IDS: variants seen among roughly 807,000 people sequenced by gnomAD.
IDS encodes the protein iduronate 2-sulfatase.
In IDS, 1 loss-of-function variant was observed where a neutral mutation model predicts 33.5. The observed-to-expected ratio is 0.03, with a 90% CI of 0.01 to 0.14. The LOEUF is 0.14. Among genes scored for constraint, IDS ranks in the 10% least tolerant of loss-of-function variants. The probability of loss-of-function intolerance (pLI) is 1.00; values close to 1 mark genes in which losing one functional copy is unlikely to be tolerated. For missense variants in IDS, 328 were observed against 448.0 expected, an observed-to-expected ratio of 0.73 and a Z score of 2.42; for synonymous variants, 191 against 184.4, an observed-to-expected ratio of 1.04 and a Z score of -0.29.
In IDS at chrX:149,496,473, G is replaced by A. The variant is rs782327392; in HGVS notation, c.752C>T (p.Pro251Leu). The change falls in exon 6 of 9, where the codon CCC (proline) becomes CTC (leucine). Residue 251 changes from proline to leucine, a missense_variant. Physicochemically the swap from Pro to Leu is moderately conservative, Grantham distance 98. This residue lies in a region of IDS where 265 missense variants were observed against 339.2 expected (regional missense o/e 0.78). Transcript: ENST00000340855. ...TAGGCCATCAGGGACCTCGGGATCG[G>A]GGGCCAGGGTGATGTTCTCCAAGGG... ...LYPLENITLA[P>L]DPEVPDGLPP... 7 of 1,211,360 alleles carry A rather than the reference G, an allele frequency of 5.8e-6. No homozygotes were observed. Among genetic ancestry groups the A allele is most frequent in the Non-Finnish European group, 7.8e-6 (7 of 895,257 alleles).
At chrX:149,486,336 G>T (rs1009700385) in intron 8 of IDS, among the ~76,000 whole-genome samples, 1 of 111,906 alleles carries the variant, frequency 8.9e-6, no homozygotes, top group Non-Finnish European at 1.9e-5. Flanking sequence ...GATATTGGTG[G>T]ATGGACAGGG....
intron 7 of IDS, among the ~76,000 whole-genome samples, chrX:149,489,884 G>A (rs1286957551): frequency 4.5e-5 from 5 of 110,759 alleles, no homozygotes; most frequent in African/African-American, 6.6e-5. Context: ...CCAGGCTCTC[G>A]GCAGAGAAGA....
In IDS at chrX:149,505,072, G is replaced by A. The variant is rs1469964896; in HGVS notation, c.66C>T (p.Val22=). The A allele has an allele frequency of 2.5e-6, 3 of 1,209,038 alleles. No individual in the cohort carries two copies. Among genetic ancestry groups the A allele is most frequent in the Admixed American group, 2.2e-5 (1 of 46,035 alleles). The stretch of plus-strand genomic sequence containing the variant: ...TGGCCTGCGTTTCGGATCCGAGGGC[G>A]ACGCAGACGGAGCTCAGAACCAGAC... ...WLGLVLSSVC[V]ALGSETQANS... The change falls in exon 1 of 9, where the codon GTC becomes GTT. Residue 22 remains valine, a synonymous_variant. Coordinates refer to ENST00000340855, the MANE Select transcript of IDS (RefSeq NM_000202.8).
chrX:149,492,441 G>T (rs1256788117), intron 6 of IDS, among the ~76,000 whole-genome samples: 4 of 111,612 alleles, frequency 3.6e-5, no homozygotes, highest in Non-Finnish European at 7.5e-5. Flanking sequence ...ACGGAACAGT[G>T]TGGAGTTGTG....
intron 7 of IDS, 169 bp from the exon 8 acceptor site, chrX:149,487,267 T>C (rs2089345443): frequency 1.7e-6 from 2 of 1,208,175 alleles, no homozygotes. Flanking sequence ...TTATTTCAAC[T>C]GAATGCTGCT....
intron 5 of IDS, among the ~76,000 whole-genome samples, chrX:149,497,446 C>T (rs1314277116): frequency 1.2e-4 from 14 of 112,016 alleles, no homozygotes; most frequent in Non-Finnish European, 2.6e-4. Context: ...AAAGCAAGAT[C>T]CCCTGGGCCA....
rs1185010618 is a variant in IDS, at chrX:149,490,503, G to A, written c.880-63C>T. 7 of 1,109,724 alleles carry A rather than the reference G, an allele frequency of 6.3e-6. No individual in the cohort carries two copies. The African/African-American group carries it at 9.1e-5, about 14-fold the overall frequency. 91.5% of individuals were successfully genotyped at this position (1,109,724 alleles called of 1,213,427 possible). ...AATTTAAATTGCCAAGGCATACAGA[G>A]ATAATGCTTGCCTGTGCATCTCTCC... On this transcript the variant is annotated intron_variant, in intron 6 of 8. Coordinates refer to ENST00000340855, the MANE Select transcript of IDS (RefSeq NM_000202.8).
Position 149,482,713 on chromosome X carries a change from C to T in IDS, c.*33G>A. 2.5e-6 allele frequency: 3 copies of T among 1,210,823 alleles called. No individual in the cohort carries two copies. Among genetic ancestry groups the T allele is most frequent in the South Asian group, 1.8e-5 (1 of 56,925 alleles). ...CCTCCTCTCACCAGCTGGAAGGGAG[C>T]ACATCACATTTGCCATCCATGGTTG... is the stretch of plus-strand genomic sequence containing the variant. On this transcript the variant is annotated 3_prime_UTR_variant, in exon 9 of 9. Coordinates refer to ENST00000340855, the MANE Select transcript of IDS (RefSeq NM_000202.8).
intron 8 of IDS, among the ~76,000 whole-genome samples, chrX:149,484,168 G>C (rs2089315290): frequency 8.9e-6 from 1 of 112,173 alleles, no homozygotes; most frequent in African/African-American, 3.2e-5. Flanking sequence ...ATATACCTAG[G>C]AGTGGAACTT....
Position 149,482,807 on chromosome X carries a change from T to G in IDS, c.1592A>C (p.Gln531Pro). ...GGAATCATTATACATATTGTGATCC[T>G]GCAATGGGTCAGAATCCACAAAATA... Reference protein sequence around the residue: ...ELYFVDSDPLQDHNMYNDSQG... With the variant: ...ELYFVDSDPLPDHNMYNDSQG... The change falls in exon 9 of 9, where the codon CAG becomes CCG. Residue 531 changes from glutamine (Q) to proline (P), a missense_variant. By Grantham distance (76) the Gln-to-Pro change is moderately conservative (BLOSUM62 -1). Around this residue, in one of 4 missense-constraint regions of IDS, gnomAD observed 265 missense variants for 339.2 expected, o/e 0.78. Coordinates refer to ENST00000340855, the MANE Select transcript of IDS (RefSeq NM_000202.8). The G allele has an allele frequency of 8.3e-7, 1 of 1,212,118 alleles. No homozygotes were observed. Among genetic ancestry groups the G allele is most frequent in the Non-Finnish European group, 1.1e-6 (1 of 895,604 alleles).
Position 149,505,253 on chromosome X carries a change from G to A in IDS, c.-116C>T, listed in dbSNP as rs1314502980. 4.8e-6 allele frequency: 2 copies of A among 415,446 alleles called. No individual in the cohort carries two copies. The highest frequency in any genetic ancestry group is 7.6e-6 in the Non-Finnish European group (2 of 262,401). The allele number at this position is 415,446 out of a possible 1,213,427, so 34.2% of individuals were successfully genotyped here. Reference sequence around the variant, plus strand: ...CTCGTCGGGAACCCATGAAGACTGCGCAACACAGCCGCCGCCCGGGCCCGC... The same window carrying A: ...CTCGTCGGGAACCCATGAAGACTGCACAACACAGCCGCCGCCCGGGCCCGC... On this transcript the variant is annotated 5_prime_UTR_variant, in exon 1 of 9. Transcript: ENST00000340855.
rs782438579 is a variant in IDS at position 149,484,496 on chromosome X, A to G, written c.1181-1278T>C. On this transcript the variant is annotated intron_variant, in intron 8 of 8. Coordinates refer to ENST00000340855, the MANE Select transcript of IDS (RefSeq NM_000202.8). The stretch of plus-strand genomic sequence containing the variant: ...ACCGCCACACCCAGCTAATTTTTGT[A>G]TTTTTAGTAGAGATGGGGTTTCTCC... Among the ~76,000 whole-genome samples, 15 of 111,754 alleles carry G rather than the reference A, an allele frequency of 1.3e-4. No homozygotes were observed. The South Asian group carries it at 4.1e-3, about 31-fold the overall frequency.
intron 6 of IDS, among the ~76,000 whole-genome samples, chrX:149,493,231 C>T (rs1215823548): frequency 8.9e-6 from 1 of 112,072 alleles, no homozygotes; most frequent in Non-Finnish European, 1.9e-5. Flanking sequence ...GGAAGTGGCA[C>T]CTAAGTGGCA....
chrX:149,499,332 G>C (rs1238094607), intron 4 of IDS: 1 of 106,138 alleles, frequency 9.4e-6, no homozygotes, highest in Non-Finnish European at 1.9e-5. Flanking sequence ...ACTCCAGCCT[G>C]GGTGACAAGA....
At chrX:149,488,855 G>A (rs2089364340) in intron 7 of IDS, among the ~76,000 whole-genome samples, 1 of 111,408 alleles carries the variant, frequency 9.0e-6, no homozygotes, top group Non-Finnish European at 1.9e-5. Context: ...GGAGGTTTCT[G>A]GCTCCTGCCC....
Position 149,505,235 on chromosome X carries a change from G to A in IDS, c.-98C>T. ...CGCAGCCACAGAGACCTCCTCGTCG[G>A]GAACCCATGAAGACTGCGCAACACA... On this transcript the variant is annotated 5_prime_UTR_variant, in exon 1 of 9. Coordinates refer to ENST00000340855, the MANE Select transcript of IDS (RefSeq NM_000202.8). 5.0e-6 allele frequency: 3 copies of A among 597,530 alleles called. No individual in the cohort carries two copies. Among genetic ancestry groups the A allele is most frequent in the Non-Finnish European group, 7.7e-6 (3 of 391,476 alleles). 49.2% of individuals were successfully genotyped at this position (597,530 alleles called of 1,213,427 possible).
chrX:149,492,275 G>A (rs1249754790), intron 6 of IDS, among the ~76,000 whole-genome samples: 3 of 111,642 alleles, frequency 2.7e-5, no homozygotes, highest in East Asian at 2.8e-4. Flanking sequence ...CACTCTGACC[G>A]ATCCCCCACA....
intron 5 of IDS, among the ~76,000 whole-genome samples, 192 bp downstream of exon 5, chrX:149,497,915 C>A (rs1201507875): frequency 8.9e-6 from 1 of 112,574 alleles, no homozygotes; most frequent in Non-Finnish European, 1.9e-5. Flanking sequence ...GCATTTCTTA[C>A]AAGATTCTTA....
At chrX:149,488,419 C>G (rs1283656290) in intron 7 of IDS, among the ~76,000 whole-genome samples, 26 of 110,238 alleles carry the variant, frequency 2.4e-4, no homozygotes, top group Non-Finnish European at 4.5e-4. Flanking sequence ...GGTCAAGGAT[C>G]GAGAAGCCTG....
Sources: gnomAD v4.1 joint callset for allele counts (sites outside exome capture counted in the v4.1 genomes callset) on GRCh38, gnomAD v4.1.1 for gene constraint, gnomAD v4.1.1 regional missense constraint, MANE v1.5 for transcripts, NCBI Gene and HGNC (gene_info 2026-07-23, HGNC 2026-07-21) for gene names.